Variants in UBAC2 observed in about 807,000 individuals in gnomAD.
The protein encoded by UBAC2 is ubiquitin-associated domain-containing protein 2.
A neutral mutation model predicts 44.0 loss-of-function variants in UBAC2; 26 were observed. That is an observed-to-expected ratio of 0.59 (90% CI 0.43 to 0.82). UBAC2 has a LOEUF of 0.82. UBAC2 is among the 40% of genes least tolerant of loss of function. UBAC2 has a pLI of 0.00. For synonymous variants in UBAC2, 155 were observed against 154.3 expected (o/e 1.00, Z -0.04); for missense variants, 329 against 419.4 (o/e 0.78, Z 1.88).
At chr13:99,338,047 C>CTTTTCTTTTTTTTT (rs2044820894) in intron 6 of UBAC2, among the ~76,000 whole-genome samples, 1 of 48,852 alleles carries the variant, frequency 2.0e-5, no homozygotes, top group African/African-American at 7.1e-5. Flanking sequence ...TTCTTTTTTT[C>CTTTTCTTTTTTTTT]TTTTTTTTTT....
chr13:99,311,591 T>A (rs2044411915), intron 4 of UBAC2, among the ~76,000 whole-genome samples: 1 of 152,246 alleles, frequency 6.6e-6, no homozygotes. Flanking sequence ...CAACCAATAT[T>A]GAATATGGAT....
chr13:99,374,220 CT>C (rs531327295), intron 8 of UBAC2, among the ~76,000 whole-genome samples: 4 of 151,046 alleles, frequency 2.6e-5, no homozygotes, highest in East Asian at 1.9e-4. Flanking sequence ...CTTCAGGTTG[CT>C]TTTTTTTTAA....
chr13:99,260,474 G>A (rs1157802448), intron 4 of UBAC2, among the ~76,000 whole-genome samples: 3 of 152,200 alleles, frequency 2.0e-5, no homozygotes, highest in Non-Finnish European at 4.4e-5. Context: ...ACTTTGACCA[G>A]CTTATGAGAT....
At chr13:99,245,830 G>A (rs1268896513) in intron 4 of UBAC2, among the ~76,000 whole-genome samples, 1 of 151,894 alleles carries the variant, frequency 6.6e-6, no homozygotes, top group African/African-American at 2.4e-5. Flanking sequence ...GTGAGACTCC[G>A]CCTCAAAAAA....
chr13:99,345,657 A>G (rs2044964573), intron 7 of UBAC2, among the ~76,000 whole-genome samples: 1 of 152,064 alleles, frequency 6.6e-6, no homozygotes, highest in Admixed American at 6.5e-5. Flanking sequence ...CTGGGGCTCC[A>G]GACCGAAATA....
chr13:99,230,106 A>G (rs146799206), intron 1 of UBAC2, among the ~76,000 whole-genome samples: 239 of 152,308 alleles, frequency 1.6e-3, no homozygotes, highest in African/African-American at 5.7e-3. Context: ...CAGGGACATG[A>G]TAATCACTAT....
intron 4 of UBAC2, among the ~76,000 whole-genome samples, chr13:99,266,915 G>A (rs1483026102): frequency 6.6e-6 from 1 of 152,048 alleles, no homozygotes; most frequent in Non-Finnish European, 1.5e-5. Flanking sequence ...GGTAATTCTG[G>A]TTTTAGTTTG....
intron 1 of UBAC2, among the ~76,000 whole-genome samples, chr13:99,204,278 C>G (rs77091832): frequency 2.0e-5 from 3 of 152,018 alleles, no homozygotes; most frequent in Non-Finnish European, 4.4e-5. Flanking sequence ...TGTGGGGAGG[C>G]ACAGTTAAGG....
chr13:99,329,218 G>A (rs373441585), intron 6 of UBAC2, among the ~76,000 whole-genome samples: 2 of 152,240 alleles, frequency 1.3e-5, no homozygotes, highest in African/African-American at 4.8e-5. Flanking sequence ...TTGCAATCAG[G>A]CAATATAAGT....
At chr13:99,254,069 T>C (rs2043497153) in intron 4 of UBAC2, among the ~76,000 whole-genome samples, 1 of 152,234 alleles carries the variant, frequency 6.6e-6, no homozygotes, top group African/African-American at 2.4e-5. Flanking sequence ...AGGTTCCTAC[T>C]AGTACTATTT....
intron 4 of UBAC2, among the ~76,000 whole-genome samples, chr13:99,303,391 C>T (rs1456318699): frequency 6.6e-6 from 1 of 152,210 alleles, no homozygotes; most frequent in Non-Finnish European, 1.5e-5. Context: ...CCCACTTGCA[C>T]ATTTGGGGTT....
chr13:99,226,424 A>G (rs1421411450), intron 1 of UBAC2, among the ~76,000 whole-genome samples: 2 of 152,002 alleles, frequency 1.3e-5, no homozygotes, highest in Non-Finnish European at 2.9e-5. Flanking sequence ...CTACACCTCC[A>G]CCCTGCTGGT....
intron 1 of UBAC2, among the ~76,000 whole-genome samples, chr13:99,219,731 C>G (rs2043034176): frequency 6.6e-6 from 1 of 152,320 alleles, no homozygotes; most frequent in South Asian, 2.1e-4. Context: ...TACCTTCTCC[C>G]AACTGTCCCT....
intron 4 of UBAC2, among the ~76,000 whole-genome samples, chr13:99,274,409 C>T (rs200832981): frequency 6.6e-6 from 1 of 151,780 alleles, no homozygotes; most frequent in East Asian, 1.9e-4. Context: ...ACAGCAGCCT[C>T]GACCTCCTGG....
At chr13:99,339,019 C>A (rs1296950995) in intron 6 of UBAC2, among the ~76,000 whole-genome samples, 2 of 152,110 alleles carry the variant, frequency 1.3e-5, no homozygotes, top group Non-Finnish European at 2.9e-5. Flanking sequence ...TCCTCCTCCC[C>A]CCCATTTTAT....
intron 1 of UBAC2, among the ~76,000 whole-genome samples, chr13:99,205,065 G>A (rs1476155482): frequency 1.3e-5 from 2 of 151,996 alleles, no homozygotes; most frequent in East Asian, 1.9e-4. Flanking sequence ...TGCCACACCC[G>A]GCTAATTTTT....
chr13:99,341,669 G>C (rs1319965737), intron 7 of UBAC2, among the ~76,000 whole-genome samples: 1 of 152,186 alleles, frequency 6.6e-6, no homozygotes, highest in Admixed American at 6.5e-5. Context: ...GAAGTAGTAA[G>C]TTCTGTAAGA....
chr13:99,331,391 GA>G (rs1161547029), intron 6 of UBAC2, among the ~76,000 whole-genome samples: 5 of 152,148 alleles, frequency 3.3e-5, no homozygotes, highest in Non-Finnish European at 7.4e-5. Flanking sequence ...TTCCCAAAAG[GA>G]AAAGCCTAGA....
At chr13:99,291,862 A>G (rs1216407737) in intron 4 of UBAC2, among the ~76,000 whole-genome samples, 1 of 152,228 alleles carries the variant, frequency 6.6e-6, no homozygotes, top group African/African-American at 2.4e-5. Context: ...AACATACGTT[A>G]TCAATTAAAT....
Sources: gnomAD v4.1 joint callset for allele counts (sites outside exome capture counted in the v4.1 genomes callset) on GRCh38, gnomAD v4.1.1 for gene constraint, MANE v1.5 for transcripts, NCBI Gene and HGNC (gene_info 2026-07-23, HGNC 2026-07-21) for gene names.